The following STK33 variants were observed in gnomAD, a reference collection of about 807,000 sequenced individuals.
The protein encoded by STK33 is serine/threonine-protein kinase 33.
A neutral mutation model predicts 58.0 loss-of-function variants in STK33; 52 were observed. That is an observed-to-expected ratio of 0.90 (90% CI 0.72 to 1.13). The LOEUF (loss-of-function observed/expected upper bound fraction) is 1.13. STK33 is among the 50% of genes most tolerant of loss of function. STK33 has a pLI of 0.00. For missense variants in STK33, 630 were observed against 604.2 expected (o/e 1.04, Z -0.45); for synonymous variants, 215 against 200.1 (o/e 1.07, Z -0.63).
intron 7 of STK33, among the ~76,000 whole-genome samples, chr11:8,464,230 G>T (rs369760246): frequency 6.6e-6 from 1 of 152,286 alleles, no homozygotes; most frequent in East Asian, 1.9e-4. Flanking sequence ...AAAGAGTATA[G>T]CAGTAGTTAG....
intron 1 of STK33, among the ~76,000 whole-genome samples, chr11:8,540,261 G>A (rs888076456): frequency 2.0e-5 from 3 of 151,366 alleles, no homozygotes; most frequent in African/African-American, 4.9e-5. Flanking sequence ...TGGGAGGATC[G>A]TTTGAGGCTA....
At chr11:8,424,801 C>A (rs1235260949) in intron 14 of STK33, among the ~76,000 whole-genome samples, 1 of 143,086 alleles carries the variant, frequency 7.0e-6, no homozygotes, top group Non-Finnish European at 1.5e-5. Flanking sequence ...TGAGAAGTGT[C>A]CGTTCATATC....
At chr11:8,411,705 G>A (rs892136300) in intron 15 of STK33, among the ~76,000 whole-genome samples, 2 of 152,172 alleles carry the variant, frequency 1.3e-5, no homozygotes, top group African/African-American at 4.8e-5. Flanking sequence ...ATGATGGGGA[G>A]GTGGAAGGTT....
At chr11:8,419,864 T>C (rs1302172876) in intron 14 of STK33, among the ~76,000 whole-genome samples, 1 of 152,224 alleles carries the variant, frequency 6.6e-6, no homozygotes, top group Non-Finnish European at 1.5e-5. Context: ...TAATGATGGT[T>C]ATCTTTAGTG....
At chr11:8,540,586 T>C (rs1955430533) in intron 1 of STK33, among the ~76,000 whole-genome samples, 1 of 152,072 alleles carries the variant, frequency 6.6e-6, no homozygotes, top group African/African-American at 2.4e-5. Context: ...ATCCTGCCAT[T>C]TGCTACAAAA....
At chr11:8,405,230 T>C (rs927767627) in intron 15 of STK33, among the ~76,000 whole-genome samples, 1 of 152,260 alleles carries the variant, frequency 6.6e-6, no homozygotes, top group Non-Finnish European at 1.5e-5. Flanking sequence ...AGTTGTTTCA[T>C]ATCCTTGCCA....
intron 1 of STK33, among the ~76,000 whole-genome samples, chr11:8,580,662 G>T (rs1443351453): frequency 6.6e-6 from 1 of 152,006 alleles, no homozygotes; most frequent in Non-Finnish European, 1.5e-5. Flanking sequence ...ATGTTTAAGG[G>T]CACAGATACC....
rs1955632143 is a variant in STK33, at chr11:8,542,900, G to A, written c.-466+51183C>T. 2.6e-5 allele frequency among the ~76,000 whole-genome samples: 4 copies of A among 151,930 alleles called. No homozygotes were observed. The South Asian group carries it at 6.2e-4, about 24-fold the overall frequency. Reference sequence around the variant, plus strand: ...AATTATTGTATTTTTTTGTAGAAACGGGGTTTCGCCATGTTGCCCAGGCTG... The same window carrying A: ...AATTATTGTATTTTTTTGTAGAAACAGGGTTTCGCCATGTTGCCCAGGCTG... On this transcript the variant is annotated intron_variant, in intron 1 of 15. Transcript: ENST00000687296.
At chr11:8,565,929 T>C (rs1444837128) in intron 1 of STK33, 1 of 152,232 alleles carries the variant, frequency 6.6e-6, no homozygotes, top group African/African-American at 2.4e-5. Context: ...CTCCCTGTCC[T>C]GGCCTGTTCC....
intron 1 of STK33, among the ~76,000 whole-genome samples, chr11:8,505,719 A>T (rs1319992470): frequency 1.3e-5 from 2 of 151,964 alleles, no homozygotes; most frequent in Admixed American, 1.3e-4. Context: ...TCATTACTTT[A>T]CTCCTGTTGC....
intron 14 of STK33, among the ~76,000 whole-genome samples, chr11:8,429,175 T>C (rs542993155): frequency 2.6e-5 from 4 of 152,284 alleles, no homozygotes; most frequent in South Asian, 4.1e-4. Context: ...GGATGTCCCA[T>C]ATGGGTAAAA....
the STK33 span, among the ~76,000 whole-genome samples, chr11:8,358,901 T>C: frequency 6.6e-6 from 1 of 152,186 alleles, no homozygotes; most frequent in African/African-American, 2.4e-5. Context: ...GGCTGGCAGA[T>C]ACCACCTTCC....
intron 8 of STK33, among the ~76,000 whole-genome samples, chr11:8,458,269 G>A (rs1947114683): frequency 6.6e-6 from 1 of 152,130 alleles, no homozygotes; most frequent in South Asian, 2.1e-4. Context: ...TGCTGTTGCT[G>A]TAGCAGGAGA....
chr11:8,523,480 G>A (rs1034404041), intron 1 of STK33, among the ~76,000 whole-genome samples: 8 of 144,416 alleles, frequency 5.5e-5, no homozygotes, highest in Admixed American at 1.4e-4. Context: ...TCCACCCGGC[G>A]GCCGCCCTGT....
the STK33 span, among the ~76,000 whole-genome samples, chr11:8,361,740 C>T: frequency 6.6e-6 from 1 of 152,220 alleles, no homozygotes; most frequent in African/African-American, 2.4e-5. The surrounding 1 kb of genome is among the most constrained non-coding windows in gnomAD (Gnocchi z 4.8). Context: ...GCTGGTGGAA[C>T]GCCTCTGCAA....
Position 8,581,409 on chromosome 11 carries a change from G to A in STK33, c.-466+12674C>T, listed in dbSNP as rs184635501. Among the ~76,000 whole-genome samples the A allele has an allele frequency of 2.3e-3, 347 of 152,278 alleles. 2 individuals carry two copies. The highest frequency in any genetic ancestry group is 7.9e-3 in the African/African-American group (329 of 41,548). ...GCCTGTGGTCCTAGCTACTCAGGAGGCTGAAGCAGGAGGATCACTTGAGTC... is the reference window on the plus strand; with the variant it reads ...GCCTGTGGTCCTAGCTACTCAGGAGACTGAAGCAGGAGGATCACTTGAGTC... On this transcript the variant is annotated intron_variant, in intron 1 of 15. Transcript: ENST00000687296.
At chr11:8,375,488 T>C in the STK33 span, among the ~76,000 whole-genome samples, 30 of 152,222 alleles carry the variant, frequency 2.0e-4, no homozygotes, top group African/African-American at 6.5e-4. Context: ...GTAAAAATAA[T>C]AGAACTACTC....
chr11:8,395,956 T>A (rs35022013), intron 15 of STK33, among the ~76,000 whole-genome samples: 34,134 of 152,206 alleles, frequency 0.22, 4,161 homozygotes, highest in South Asian at 0.36. Flanking sequence ...AACTTGGTTT[T>A]AATACATGTT....
At chr11:8,451,670 T>C (rs763226781) in intron 11 of STK33, among the ~76,000 whole-genome samples, 4 of 152,150 alleles carry the variant, frequency 2.6e-5, no homozygotes, top group Non-Finnish European at 5.9e-5. Context: ...TGAAACTGGA[T>C]TGTGGTGATG....
Sources: gnomAD v4.1 joint callset for allele counts (sites outside exome capture counted in the v4.1 genomes callset) on GRCh38, gnomAD v4.1.1 for gene constraint, Gnocchi (gnomAD v3.1) non-coding constraint, MANE v1.5 for transcripts, NCBI Gene and HGNC (gene_info 2026-07-23, HGNC 2026-07-21) for gene names.